PWWP2B: variants seen among roughly 807,000 people sequenced by gnomAD.
PWWP2B encodes the protein PWWP domain-containing protein 2B.
PWWP2B carries 9 observed loss-of-function variants against 15.5 expected under a neutral mutation model. That is an observed-to-expected ratio of 0.58 (90% CI 0.35 to 1.02). The LOEUF (loss-of-function observed/expected upper bound fraction) is 1.02, where lower values mean the gene tolerates loss of function less well. PWWP2B is among the 50% of genes least tolerant of loss of function. The probability of loss-of-function intolerance (pLI) is 0.02; values close to 1 mark genes in which losing one functional copy is unlikely to be tolerated. For missense variants in PWWP2B, 864 were observed against 865.3 expected (o/e 1.00, Z 0.02); for synonymous variants, 474 against 403.6 (o/e 1.17, Z -2.09).
chr10:132,414,948 CT>C (rs879458102), intron 2 of PWWP2B, among the ~76,000 whole-genome samples: 2 of 152,132 alleles, frequency 1.3e-5, no homozygotes, highest in Non-Finnish European at 2.9e-5. Context: ...CCTGCTCCCC[CT>C]GGGACGTGAA....
intron 2 of PWWP2B, among the ~76,000 whole-genome samples, chr10:132,413,173 C>T (rs57920243): frequency 5.3e-5 from 8 of 152,042 alleles, no homozygotes; most frequent in Non-Finnish European, 1.0e-4. Flanking sequence ...TGTCTGATGC[C>T]GGAAATCTTG....
In PWWP2B at chr10:132,404,610, C is replaced by G. The variant is rs745422215; in HGVS notation, c.126-16C>G. 2 of 1,608,910 alleles carry G rather than the reference C, an allele frequency of 1.2e-6. No homozygotes were observed. Among genetic ancestry groups the G allele is most frequent in the South Asian group, 2.2e-5 (2 of 90,936 alleles). On this transcript the variant is annotated splice_polypyrimidine_tract_variant and intron_variant, in intron 1 of 2. Transcript: ENST00000305233. ...AGGGTCCCTTCTCACTGTGGTTTCT[C>G]TCTCTCCATTGCCAGGTCCGGCCTC...
At chr10:132,404,584 C>T (rs898327471) in intron 1 of PWWP2B, 42 bp from the exon 2 acceptor site, 5 of 1,557,000 alleles carry the variant, frequency 3.2e-6, no homozygotes, top group Non-Finnish European at 4.4e-6. Flanking sequence ...GCAGATGTGC[C>T]AGGGTCCCTT....
At position 132,404,893 on chromosome 10, in the gene PWWP2B, G is replaced by C. The variant is rs1288649824; in HGVS notation, c.393G>C (p.Trp131Cys). 1.3e-6 allele frequency: 2 copies of C among 1,595,090 alleles called. No individual in the cohort carries two copies. The highest frequency in any genetic ancestry group is 1.7e-6 in the Non-Finnish European group (2 of 1,178,194). The change falls in exon 2 of 3, where the codon TGG becomes TGC. Residue 131 changes from tryptophan to cysteine, a missense_variant. By Grantham distance (215) the Trp-to-Cys change is radical. This residue lies in a region of PWWP2B where 736 missense variants were observed against 687.7 expected (regional missense o/e 1.07). Coordinates refer to ENST00000305233, the MANE Select transcript of PWWP2B (RefSeq NM_138499.4). The part of the protein sequence containing the change: ...FEGAPFPHPL[W>C]LRDTYKLWVP... Reference sequence around the variant, plus strand: ...GCGCCCCCTTCCCTCACCCGCTGTGGCTCCGGGACACGTACAAGCTGTGGG... The same window carrying C: ...GCGCCCCCTTCCCTCACCCGCTGTGCCTCCGGGACACGTACAAGCTGTGGG...
Position 132,417,411 on chromosome 10 carries a change from C to A in PWWP2B, c.*367C>A. 1 of 397,258 alleles carries A rather than the reference C, an allele frequency of 2.5e-6. No homozygotes were observed. The highest frequency in any genetic ancestry group is 4.9e-5 in the East Asian group (1 of 20,516). The allele number at this position is 397,258 out of a possible 1,614,324, so 24.6% of individuals were successfully genotyped here. A position where few individuals can be genotyped will look rare whatever the true frequency, so the allele number is the denominator to read the frequency against. ...TCACCTGCTGCCCGCATGCTGGGGT[C>A]CCATGGAGGAACCAGGCCTGGCGCC... On this transcript the variant is annotated 3_prime_UTR_variant, in exon 3 of 3. Transcript: ENST00000305233.
In PWWP2B at chr10:132,404,943, TCAAGCGCACGCGGCGGCGTCTGTCCCGCA is replaced by T; in HGVS notation, c.444_472del (p.Lys149ProfsTer21). ...GTGCCCCAGCCGCCGCCCAGGACCA[TCAAGCGCACGCGGCGGCGTCTGTCCCGCA>T]ACCGCGACCCGGGGCGCCTCATCCT... On this transcript the variant is annotated frameshift_variant, in exon 2 of 3. Coordinates refer to ENST00000305233, the MANE Select transcript of PWWP2B (RefSeq NM_138499.4). LOFTEE classifies it high-confidence loss of function. 6.3e-7 allele frequency: 1 copy of T among 1,593,810 alleles called. No individual in the cohort carries two copies. Among genetic ancestry groups the T allele is most frequent in the Non-Finnish European group, 8.5e-7 (1 of 1,177,526 alleles).
intron 2 of PWWP2B, among the ~76,000 whole-genome samples, chr10:132,415,103 G>C (rs2133166364): frequency 6.6e-6 from 1 of 152,288 alleles, no homozygotes; most frequent in South Asian, 2.1e-4. Flanking sequence ...TACTGCTGCT[G>C]CTGCTTGATC....
rs767906093 is a variant in PWWP2B at position 132,405,770 on chromosome 10, A to G, written c.1270A>G (p.Ser424Gly). The G allele has an allele frequency of 1.1e-4, 172 of 1,607,062 alleles. No individual in the cohort carries two copies. The highest frequency in any genetic ancestry group is 4.5e-5 in the East Asian group (2 of 44,874). The change falls in exon 2 of 3, where the codon AGC (serine) becomes GGC (glycine). Residue 424 changes from serine to glycine, a missense_variant. Ser to Gly is a moderately conservative substitution (Grantham distance 56). Transcript: ENST00000305233. The part of the protein sequence containing the change: ...RADCASESAC[S>G]SDSLDEARSS... Reference sequence around the variant, plus strand: ...GGACTGTGCCAGTGAGTCGGCGTGCAGCAGCGACAGCCTGGACGAGGCCAG... The same window carrying G: ...GGACTGTGCCAGTGAGTCGGCGTGCGGCAGCGACAGCCTGGACGAGGCCAG...
chr10:132,397,877 G>C (rs561979053), intron 1 of PWWP2B, among the ~76,000 whole-genome samples: 1 of 152,278 alleles, frequency 6.6e-6, no homozygotes, highest in African/African-American at 2.4e-5. Context: ...AGGCCAGGGA[G>C]CCCTGAGTCA....
chr10:132,405,483 T>G lies in PWWP2B; in HGVS notation c.983T>G (p.Leu328Arg). The G allele has an allele frequency of 6.2e-7, 1 of 1,604,424 alleles. No individual in the cohort carries two copies. Among genetic ancestry groups the G allele is most frequent in the Non-Finnish European group, 8.5e-7 (1 of 1,179,352 alleles). Residue 328 changes from leucine to arginine, a missense_variant, in exon 2 of 3, where the codon CTG becomes CGG. Leu to Arg is a moderately radical substitution (Grantham distance 102). This residue lies in a region of PWWP2B where 736 missense variants were observed against 687.7 expected (regional missense o/e 1.07). Coordinates refer to ENST00000305233, the MANE Select transcript of PWWP2B (RefSeq NM_138499.4). ...LTRPVPAGAD[L>R]PPPKIRLKPH... ...CGGCCTGTGCCGGCCGGCGCGGACC[T>G]GCCGCCCCCTAAGATCCGCCTGAAG...
At position 132,405,564 on chromosome 10, in the gene PWWP2B, G is replaced by A. The variant is rs2133155468; in HGVS notation, c.1064G>A (p.Gly355Glu). The A allele has an allele frequency of 6.2e-7, 1 of 1,607,144 alleles. No individual in the cohort carries two copies. Among genetic ancestry groups the A allele is most frequent in the East Asian group, 2.2e-5 (1 of 44,840 alleles). Residue 355 changes from glycine (G) to glutamate (E), a missense_variant, in exon 2 of 3, where the codon GGG becomes GAG. By Grantham distance (98) the Gly-to-Glu change is moderately conservative (BLOSUM62 -2). Around this residue, in one of 2 missense-constraint regions of PWWP2B, gnomAD observed 736 missense variants for 687.7 expected, o/e 1.07. Coordinates refer to ENST00000305233, the MANE Select transcript of PWWP2B (RefSeq NM_138499.4). ...HEPVYRAELV[G>E]ELNGYLRDSS... is the part of the protein sequence containing the mutation. ...CCCGTGTACCGGGCCGAGCTGGTGGGGGAGCTGAACGGGTACCTGCGGGAC... is the reference window on the plus strand; with the variant it reads ...CCCGTGTACCGGGCCGAGCTGGTGGAGGAGCTGAACGGGTACCTGCGGGAC...
rs188071015 is a variant in PWWP2B, at chr10:132,397,439, T to G, written c.125+88T>G. The G allele has an allele frequency of 0.29, 320,391 of 1,090,206 alleles. 50,309 individuals are homozygous for G. Among genetic ancestry groups the G allele is most frequent in the African/African-American group, 0.44 (26,111 of 58,796 alleles). The allele number at this position is 1,090,206 out of a possible 1,614,324, so 67.5% of individuals were successfully genotyped here. A position where few individuals can be genotyped will look rare whatever the true frequency, so the allele number is the denominator to read the frequency against. ...CGGAGACCCGGGACCCGCCTCCGGG[T>G]TGGGGGTGGCGTGGCCCCGGCGCCC... is the stretch of plus-strand genomic sequence containing the variant. On this transcript the variant is annotated intron_variant, in intron 1 of 2. Coordinates refer to ENST00000305233, the MANE Select transcript of PWWP2B (RefSeq NM_138499.4).
chr10:132,405,390 T>C lies in PWWP2B; in HGVS notation c.890T>C (p.Leu297Pro), dbSNP rs376584930. 1.2e-6 allele frequency: 2 copies of C among 1,611,222 alleles called. No individual in the cohort carries two copies. The highest frequency in any genetic ancestry group is 1.7e-6 in the Non-Finnish European group (2 of 1,179,276). Residue 297 changes from leucine (L) to proline (P), a missense_variant, in exon 2 of 3, where the codon CTG becomes CCG. Leu to Pro is a moderately conservative substitution (Grantham distance 98). This residue lies in a region of PWWP2B where 736 missense variants were observed against 687.7 expected (regional missense o/e 1.07). Transcript: ENST00000305233. Reference sequence around the variant, plus strand: ...GACGGCAGCCAGGACCCCGAGGTGCTGGACAGAGAGTCCCGGGACCGGCCG... The same window carrying C: ...GACGGCAGCCAGGACCCCGAGGTGCCGGACAGAGAGTCCCGGGACCGGCCG... ...QDDGSQDPEV[L>P]DRESRDRPSC... is the part of the protein sequence containing the mutation.
chr10:132,415,331 CA>C (rs376500751), intron 2 of PWWP2B, among the ~76,000 whole-genome samples: 13 of 150,996 alleles, frequency 8.6e-5, no homozygotes, highest in South Asian at 4.2e-4. Flanking sequence ...CACACCCCCC[CA>C]CACACATATC....
rs958139169 is a variant in PWWP2B, at chr10:132,417,562, T to C, written c.*518T>C. On this transcript the variant is annotated 3_prime_UTR_variant, in exon 3 of 3. Transcript: ENST00000305233. ...GAAAAACCCAATTGCACGTGTGGGATTCTTCCCCAGCCCTTGGGTGCGGGG... is the reference window on the plus strand; with the variant it reads ...GAAAAACCCAATTGCACGTGTGGGACTCTTCCCCAGCCCTTGGGTGCGGGG... 1.3e-5 allele frequency: 2 copies of C among 157,850 alleles called. No homozygotes were observed. Among genetic ancestry groups the C allele is most frequent in the Non-Finnish European group, 2.8e-5 (2 of 71,420 alleles). 9.8% of individuals were successfully genotyped at this position (157,850 alleles called of 1,614,324 possible).
At chr10:132,406,918 G>A (rs2069708560) in intron 2 of PWWP2B, among the ~76,000 whole-genome samples, 1 of 152,180 alleles carries the variant, frequency 6.6e-6, no homozygotes, top group South Asian at 2.1e-4. Context: ...GCGTGGCCAG[G>A]CGCCCGGGAC....
At chr10:132,416,726 G>A (rs1018037729) in intron 2 of PWWP2B, among the ~76,000 whole-genome samples, 28 of 152,244 alleles carry the variant, frequency 1.8e-4, no homozygotes, top group Admixed American at 1.6e-3. Flanking sequence ...CACACCATGA[G>A]CCCGGCACAG....
intron 2 of PWWP2B, among the ~76,000 whole-genome samples, chr10:132,413,516 C>G (rs1435222485): frequency 6.6e-6 from 1 of 152,204 alleles, no homozygotes; most frequent in African/African-American, 2.4e-5. Context: ...CCTCAGAACA[C>G]ACTTAAGCAT....
rs745718813 is a variant in PWWP2B at position 132,405,154 on chromosome 10, G to A, written c.654G>A (p.Pro218=). ...GGGAGCTCCGCAAGCCGGAGGAGCCGGAGAACGGCGAGCCCACGGCTGCGG... is the reference window on the plus strand; with the variant it reads ...GGGAGCTCCGCAAGCCGGAGGAGCCAGAGAACGGCGAGCCCACGGCTGCGG... ...PDRELRKPEE[P]ENGEPTAAAT... The change falls in exon 2 of 3, where the codon CCG becomes CCA. Residue 218 remains proline, a synonymous_variant. Transcript: ENST00000305233. The A allele has an allele frequency of 2.9e-5, 45 of 1,546,952 alleles. No homozygotes were observed. The highest frequency in any genetic ancestry group is 2.2e-4 in the Middle Eastern group (1 of 4,628).
Sources: gnomAD v4.1 joint callset for allele counts (sites outside exome capture counted in the v4.1 genomes callset) on GRCh38, gnomAD v4.1.1 for gene constraint, gnomAD v4.1.1 regional missense constraint, MANE v1.5 for transcripts, NCBI Gene and HGNC (gene_info 2026-07-23, HGNC 2026-07-21) for gene names.